Variants in WSCD2 observed in about 807,000 individuals in gnomAD.
WSCD2 encodes the protein WSC domain sialate O sulfotransferase 2, also known as sialate:O-sulfotransferase 2.
In WSCD2, 28 loss-of-function variants were observed where a neutral mutation model predicts 55.7. That is an observed-to-expected ratio of 0.50 (90% CI 0.37 to 0.69). The LOEUF (loss-of-function observed/expected upper bound fraction) is 0.69. WSCD2 is among the 30% of genes least tolerant of loss of function. The pLI, the probability that WSCD2 is intolerant of heterozygous loss-of-function variation, is 0.00. For synonymous variants in WSCD2, 301 were observed against 301.9 expected, an observed-to-expected ratio of 1.00 and a Z score of 0.03; for missense variants, 616 against 762.1, an observed-to-expected ratio of 0.81 and a Z score of 2.26.
At chr12:108,163,021 G>C (rs1207106519) in intron 1 of WSCD2, among the ~76,000 whole-genome samples, 1 of 152,152 alleles carries the variant, frequency 6.6e-6, no homozygotes, top group East Asian at 1.9e-4. Context: ...AGGAAAACTG[G>C]GGCTTCAAGA....
In WSCD2 at chr12:108,224,809, TGCCA is replaced by T; in HGVS notation, c.754_757del (p.Ala252CysfsTer2). 1 of 1,613,826 alleles carries T rather than the reference TGCCA, an allele frequency of 6.2e-7. No homozygotes were observed. The highest frequency in any genetic ancestry group is 8.5e-7 in the Non-Finnish European group (1 of 1,180,048). On this transcript the variant is annotated frameshift_variant, in exon 5 of 9. Coordinates refer to ENST00000547525, the MANE Select transcript of WSCD2 (RefSeq NM_014653.4). LOFTEE classifies it high-confidence loss of function. ...TTTCCCTGGCCTTACCCGTGACAGCTGCCATGCTGAACATGTCTGTGGACAAATG... is the reference window on the plus strand; with the variant it reads ...TTTCCCTGGCCTTACCCGTGACAGCTTGCTGAACATGTCTGTGGACAAATG...
In WSCD2 at chr12:108,231,673, A is replaced by T. The variant is rs182093652; in HGVS notation, c.980-1058A>T. Among the ~76,000 whole-genome samples, 579 of 152,330 alleles carry T rather than the reference A, an allele frequency of 3.8e-3. 1 individual carries two copies. The highest frequency in any genetic ancestry group is 8.6e-3 in the Admixed American group (131 of 15,300). Reference sequence around the variant, plus strand: ...TATCCACCCAGTCACCATTCTACCCATTCATGCATCCGTCCAAGAAGCAGT... The same window carrying T: ...TATCCACCCAGTCACCATTCTACCCTTTCATGCATCCGTCCAAGAAGCAGT... On this transcript the variant is annotated intron_variant, in intron 6 of 8. Transcript: ENST00000547525.
At chr12:108,169,522 G>A (rs945866266) in intron 1 of WSCD2, among the ~76,000 whole-genome samples, 3 of 152,106 alleles carry the variant, frequency 2.0e-5, no homozygotes, top group Non-Finnish European at 4.4e-5. Context: ...AGGAGGCTTC[G>A]TCTGTGACTG....
intron 1 of WSCD2, among the ~76,000 whole-genome samples, chr12:108,175,348 C>T (rs1181498834): frequency 1.3e-5 from 2 of 152,286 alleles, no homozygotes; most frequent in Admixed American, 1.3e-4. Context: ...TGCACAGAGA[C>T]CCCAGGGTTC....
In WSCD2 at chr12:108,210,281, C is replaced by T. The variant is rs901170345; in HGVS notation, c.658C>T (p.Leu220=). ...CCGCCTCTCTGTCTACCGGCTGCAG[C>T]TGGCCCAGGAGTCGGCCCGCAGGTG... ...ANRLSVYRLQ[L]AQESARRYGS... Residue 220 remains leucine (L), a synonymous_variant, in exon 4 of 9, where the codon CTG becomes TTG. Transcript: ENST00000547525. The surrounding 1 kb of genome is among the most constrained non-coding windows in gnomAD (Gnocchi z 4.3). 21 of 1,600,540 alleles carry T rather than the reference C, an allele frequency of 1.3e-5. No individual in the cohort carries two copies. The highest frequency in any genetic ancestry group is 1.7e-5 in the Non-Finnish European group (20 of 1,174,510).
chr12:108,221,658 T>TACA (rs765714786), intron 4 of WSCD2, among the ~76,000 whole-genome samples: 1 of 152,216 alleles, frequency 6.6e-6, no homozygotes, highest in Non-Finnish European at 1.5e-5. Context: ...TGAAGGGCTG[T>TACA]CCTGTACAGA....
intron 8 of WSCD2, among the ~76,000 whole-genome samples, chr12:108,244,246 T>C (rs552565943): frequency 6.6e-6 from 1 of 152,340 alleles, no homozygotes; most frequent in South Asian, 2.1e-4. Flanking sequence ...TGATCAGGAA[T>C]CCTGAGTTAA....
Position 108,249,242 on chromosome 12 carries a change from C to T in WSCD2, c.*899C>T, listed in dbSNP as rs1890293517. On this transcript the variant is annotated 3_prime_UTR_variant, in exon 9 of 9. Coordinates refer to ENST00000547525, the MANE Select transcript of WSCD2 (RefSeq NM_014653.4). ...CAGTCTTACACTGCCCTTCTGACCC[C>T]TACAAATGGGTCCTTTGCTATCCAG... 1 of 152,748 alleles carries T rather than the reference C, an allele frequency of 6.5e-6. No homozygotes were observed. Among genetic ancestry groups the T allele is most frequent in the African/African-American group, 2.4e-5 (1 of 41,560 alleles). 9.5% of individuals were successfully genotyped at this position (152,748 alleles called of 1,614,324 possible). A position where few individuals can be genotyped will look rare whatever the true frequency, so the allele number is the denominator to read the frequency against.
chr12:108,162,221 G>A lies in WSCD2; in HGVS notation c.-552+32295G>A, dbSNP rs187168055. 5.3e-5 allele frequency among the ~76,000 whole-genome samples: 8 copies of A among 152,308 alleles called. No individual in the cohort carries two copies. The East Asian group carries it at 7.7e-4, about 15-fold the overall frequency. On this transcript the variant is annotated intron_variant, in intron 1 of 8. Coordinates refer to ENST00000547525, the MANE Select transcript of WSCD2 (RefSeq NM_014653.4). ...CAAGCCTGAAGACAACGTTGGCCAC[G>A]TTGTTCTCATTTCCTCCTTTGGGCT...
At chr12:108,208,104 A>T (rs954120199) in intron 3 of WSCD2, among the ~76,000 whole-genome samples, 10 of 152,162 alleles carry the variant, frequency 6.6e-5, no homozygotes, top group African/African-American at 2.4e-4. Context: ...ATATTTGTTG[A>T]CTGCCAGTGG....
rs188577904 is a variant in WSCD2 at position 108,135,565 on chromosome 12, C to T, written c.-552+5639C>T. 4.2e-3 allele frequency among the ~76,000 whole-genome samples: 638 copies of T among 152,280 alleles called. 4 individuals are homozygous for T. The highest frequency in any genetic ancestry group is 0.014 in the African/African-American group (598 of 41,562). ...TGGTGGAGACGGTTGAATGTCACTA[C>T]CAGAGCAATGCAGAGATAAGAGAAA... On this transcript the variant is annotated intron_variant, in intron 1 of 8. Transcript: ENST00000547525.
chr12:108,193,716 T>C (rs905950880), intron 1 of WSCD2, among the ~76,000 whole-genome samples: 2 of 152,118 alleles, frequency 1.3e-5, no homozygotes, highest in African/African-American at 2.4e-5. Context: ...GGTGGATGGA[T>C]AGAGGGTTGG....
chr12:108,202,513 C>T (rs1045963925), intron 2 of WSCD2, among the ~76,000 whole-genome samples: 1 of 152,026 alleles, frequency 6.6e-6, no homozygotes, highest in Non-Finnish European at 1.5e-5. Context: ...ATTTAAAAGC[C>T]CAGGCTTATA....
intron 6 of WSCD2, among the ~76,000 whole-genome samples, chr12:108,231,697 G>A (rs1232646041): frequency 6.6e-6 from 1 of 152,200 alleles, no homozygotes; most frequent in Non-Finnish European, 1.5e-5. Flanking sequence ...CCAAGAAGCA[G>A]TTATTAAGTA....
chr12:108,152,525 G>A (rs961910490), intron 1 of WSCD2, among the ~76,000 whole-genome samples: 2 of 152,128 alleles, frequency 1.3e-5, no homozygotes, highest in African/African-American at 4.8e-5. Flanking sequence ...CATTTTCAGG[G>A]TGAGCCACAT....
chr12:108,233,053 C>T (rs1316001664), intron 7 of WSCD2, 158 bp downstream of exon 7: 2 of 914,584 alleles, frequency 2.2e-6, no homozygotes, highest in Non-Finnish European at 3.2e-6. Flanking sequence ...TGGTACCCCC[C>T]CACCTTCCTT....
rs543378973 is a variant in WSCD2, at chr12:108,235,199, A to G, written c.1144+2304A>G. ...ACAGGAATGTCAGTACTGAACTCAA[A>G]GATTTTCCAAAAAATATAACAAGAT... is the stretch of plus-strand genomic sequence containing the variant. On this transcript the variant is annotated intron_variant, in intron 7 of 8. Transcript: ENST00000547525. Among the ~76,000 whole-genome samples the G allele has an allele frequency of 3.9e-5, 6 of 152,344 alleles. No homozygotes were observed. The East Asian group carries it at 1.2e-3, about 29-fold the overall frequency.
chr12:108,170,416 A>C (rs1430146839), intron 1 of WSCD2, among the ~76,000 whole-genome samples: 1 of 152,162 alleles, frequency 6.6e-6, no homozygotes. Context: ...AATGCTGCTG[A>C]TGATGGCAGG....
chr12:108,224,633 T>C, intron 4 of WSCD2, 106 bp from the exon 5 acceptor site: 1 of 1,463,344 alleles, frequency 6.8e-7, no homozygotes, highest in Admixed American at 2.1e-5. Context: ...CTCTGTGACC[T>C]TGGGCAAGAC....
Sources: gnomAD v4.1 joint callset for allele counts (sites outside exome capture counted in the v4.1 genomes callset) on GRCh38, gnomAD v4.1.1 for gene constraint, Gnocchi (gnomAD v3.1) non-coding constraint, MANE v1.5 for transcripts, NCBI Gene and HGNC (gene_info 2026-07-23, HGNC 2026-07-21) for gene names.